The following PHF8 variants were observed in gnomAD, a reference collection of about 807,000 sequenced individuals.
The protein encoded by PHF8 is PHD finger protein 8, also known as histone lysine demethylase PHF8.
Under a neutral mutation model 74.4 loss-of-function variants are expected in PHF8, and 9 were observed. The ratio of observed to expected loss-of-function variants is 0.12; its 90% CI spans 0.07 to 0.21. The LOEUF (loss-of-function observed/expected upper bound fraction) is 0.21, where lower values mean the gene tolerates loss of function less well. PHF8 is among the 10% of genes least tolerant of loss of function. PHF8 has a pLI of 1.00. For missense variants in PHF8, 478 were observed against 816.6 expected, an observed-to-expected ratio of 0.59 and a Z score of 5.05; for synonymous variants, 311 against 316.6, an observed-to-expected ratio of 0.98 and a Z score of 0.19.
chrX:54,025,780 C>G (rs1320604570), intron 2 of PHF8, among the ~76,000 whole-genome samples: 1 of 111,658 alleles, frequency 9.0e-6, no homozygotes, highest in African/African-American at 3.3e-5. Context: ...ATCCAGCTCT[C>G]ATTCACTACA....
intron 19 of PHF8, among the ~76,000 whole-genome samples, chrX:53,950,621 T>C (rs1374990818): frequency 8.9e-6 from 1 of 112,214 alleles, no homozygotes; most frequent in Non-Finnish European, 1.9e-5. Flanking sequence ...CAGCAAGCAC[T>C]GGGAGCACTC....
At chrX:53,953,919 GAT>G in intron 19 of PHF8, among the ~76,000 whole-genome samples, 1 of 111,156 alleles carries the variant, frequency 9.0e-6, no homozygotes, top group Non-Finnish European at 1.9e-5. Context: ...TGAAAAAAGA[GAT>G]AACAATAAAA....
At chrX:53,999,666 C>T (rs2065800059) in intron 11 of PHF8, 1 of 403,998 alleles carries the variant, frequency 2.5e-6, no homozygotes, top group Admixed American at 4.4e-5. Flanking sequence ...TTTTCTAATT[C>T]TCTAGTGTGA....
At chrX:54,007,506 T>C (rs1273650677) in intron 8 of PHF8, among the ~76,000 whole-genome samples, 7 of 111,965 alleles carry the variant, frequency 6.3e-5, no homozygotes, top group African/African-American at 2.3e-4. Flanking sequence ...AAATCACATA[T>C]CTGGTAAAAG....
chrX:53,964,678 C>A (rs1274920374), intron 18 of PHF8, among the ~76,000 whole-genome samples: 2 of 110,237 alleles, frequency 1.8e-5, no homozygotes, highest in African/African-American at 6.6e-5. Flanking sequence ...CCAGCCTGGC[C>A]AACATAACGA....
chrX:53,979,267 A>G (rs987297955), intron 18 of PHF8, among the ~76,000 whole-genome samples: 1 of 111,105 alleles, frequency 9.0e-6, no homozygotes, highest in Non-Finnish European at 1.9e-5. Context: ...CTGTAATCCC[A>G]GCTACTTAGG....
chrX:53,966,279 C>T (rs371835697), intron 18 of PHF8, among the ~76,000 whole-genome samples: 5 of 111,559 alleles, frequency 4.5e-5, no homozygotes, highest in South Asian at 7.6e-4. Context: ...CCTCTGATGC[C>T]GAGCTGAAGC....
At chrX:54,007,374 G>C (rs2065912258) in intron 8 of PHF8, among the ~76,000 whole-genome samples, 1 of 111,095 alleles carries the variant, frequency 9.0e-6, no homozygotes, top group Non-Finnish European at 1.9e-5. Flanking sequence ...GACACCAAAA[G>C]CATAAGCAAA....
intron 2 of PHF8, among the ~76,000 whole-genome samples, chrX:54,033,965 C>A (rs1305205678): frequency 9.0e-6 from 1 of 110,758 alleles, no homozygotes; most frequent in Non-Finnish European, 1.9e-5. Context: ...AATAGAAAAT[C>A]TCTTCAAACA....
intron 7 of PHF8, among the ~76,000 whole-genome samples, chrX:54,012,365 A>C (rs183821456): frequency 2.1e-4 from 24 of 112,226 alleles, no homozygotes; most frequent in African/African-American, 7.1e-4. Context: ...GTTAAACCTA[A>C]CATTTGCATA....
At chrX:54,003,576 G>C (rs1250090130) in intron 8 of PHF8, among the ~76,000 whole-genome samples, 1 of 111,663 alleles carries the variant, frequency 9.0e-6, no homozygotes, top group Non-Finnish European at 1.9e-5. Flanking sequence ...AGAATCACTT[G>C]AACCCGGGAG....
chrX:54,001,931 C>G (rs112417539), intron 10 of PHF8, among the ~76,000 whole-genome samples: 15,380 of 109,864 alleles, frequency 0.14, 1,198 homozygotes, highest in African/African-American at 0.29. Flanking sequence ...AGAAGGGGCT[C>G]GGGGCTGGGC....
chrX:53,954,752 G>A (rs1444977077), intron 19 of PHF8, among the ~76,000 whole-genome samples: 1 of 108,848 alleles, frequency 9.2e-6, no homozygotes, highest in Non-Finnish European at 1.9e-5. Flanking sequence ...AGTATTTACC[G>A]ACTGTTCTGG....
intron 8 of PHF8, among the ~76,000 whole-genome samples, chrX:54,008,868 GT>G (rs375144437): frequency 4.5e-4 from 50 of 110,782 alleles, no homozygotes; most frequent in Non-Finnish European, 8.5e-4. Flanking sequence ...TGAGTATAGG[GT>G]TTTTTTAAAA....
At chrX:54,024,493 C>T (rs1399211750) in intron 2 of PHF8, among the ~76,000 whole-genome samples, 3 of 111,983 alleles carry the variant, frequency 2.7e-5, no homozygotes. Flanking sequence ...AACTTTCACC[C>T]TATGTGGCTA....
At chrX:54,033,437 G>A (rs188363369) in intron 2 of PHF8, among the ~76,000 whole-genome samples, 88 of 112,061 alleles carry the variant, frequency 7.9e-4, no homozygotes, top group Non-Finnish European at 1.2e-3. Context: ...AAGTGTCGCC[G>A]GGCACAGTGG....
At chrX:53,971,346 A>T (rs201498146) in intron 18 of PHF8, among the ~76,000 whole-genome samples, 1 of 111,439 alleles carries the variant, frequency 9.0e-6, no homozygotes, top group South Asian at 3.8e-4. Context: ...AGTGTTAAGA[A>T]GGAAATTTAT....
intron 18 of PHF8, among the ~76,000 whole-genome samples, chrX:53,984,196 T>A (rs1438579278): frequency 9.0e-6 from 1 of 111,450 alleles, no homozygotes; most frequent in Non-Finnish European, 1.9e-5. Context: ...CAAAACCTTG[T>A]CTCTAGTAAA....
intron 7 of PHF8, 115 bp downstream of exon 7, chrX:54,014,262 A>AT (rs2066027457): frequency 2.7e-5 from 17 of 621,375 alleles, no homozygotes; most frequent in East Asian, 1.4e-4. Context: ...GCCAAATCAA[A>AT]TTTTTTTTAT....
Sources: gnomAD v4.1 joint callset for allele counts (sites outside exome capture counted in the v4.1 genomes callset) on GRCh38, gnomAD v4.1.1 for gene constraint, MANE v1.5 for transcripts, NCBI Gene and HGNC (gene_info 2026-07-23, HGNC 2026-07-21) for gene names.